The following BID variants were observed in gnomAD, a reference collection of about 807,000 sequenced individuals.
BID encodes the protein BH3-interacting domain death agonist.
A neutral mutation model predicts 17.4 loss-of-function variants in BID; 19 were observed. The observed-to-expected ratio is 1.09, with a 90% confidence interval of 0.76 to 1.60. BID has a LOEUF of 1.60. Among genes scored for constraint, BID ranks in the 40% most tolerant of loss-of-function variants. The probability of loss-of-function intolerance (pLI) is 0.00; values close to 1 mark genes in which losing one functional copy is unlikely to be tolerated. For synonymous variants in BID, 108 were observed against 102.8 expected (o/e 1.05, Z -0.31); for missense variants, 226 against 256.0 (o/e 0.88, Z 0.80).
chr22:17,760,409 G>A (rs1320915859), intron 1 of BID, among the ~76,000 whole-genome samples: 2 of 127,862 alleles, frequency 1.6e-5, no homozygotes, highest in Non-Finnish European at 3.1e-5. Context: ...GTGAGATCGC[G>A]CCACTGCACT....
Position 17,762,958 on chromosome 22 carries a change from C to G in BID, c.-59+11423G>C, listed in dbSNP as rs1416635539. ...ATGGCGTGATCTTGCCTCATTACAT[C>G]CTCCGCCTCCCAGGCTCAAGCGATT... On this transcript the variant is annotated intron_variant, in intron 1 of 5. Transcript: ENST00000622694. Among the ~76,000 whole-genome samples, 4 of 151,996 alleles carry G rather than the reference C, an allele frequency of 2.6e-5. No individual in the cohort carries two copies. In the East Asian group the frequency reaches 7.7e-4, roughly 29 times the overall value.
Position 17,773,716 on chromosome 22 carries a change from C to A in BID, c.-59+665G>T. The A allele has an allele frequency of 6.2e-7, 1 of 1,600,106 alleles. No homozygotes were observed. Among genetic ancestry groups the A allele is most frequent in the Non-Finnish European group, 8.5e-7 (1 of 1,177,596 alleles). Reference sequence around the variant, plus strand: ...CGTATTTGTTGAATGAATGAATGAACCCTTGCCAGCCCAGCCACTTGGTGG... The same window carrying A: ...CGTATTTGTTGAATGAATGAATGAAACCTTGCCAGCCCAGCCACTTGGTGG... On this transcript the variant is annotated intron_variant, in intron 1 of 5. Coordinates refer to ENST00000622694, the MANE Select transcript of BID (RefSeq NM_001196.4). This position sits in a 1 kb window ranked among gnomAD's most constrained non-coding sequence, Gnocchi z 4.4.
intron 4 of BID, among the ~76,000 whole-genome samples, chr22:17,738,432 ACG>A (rs8190336): frequency 4.5e-4 from 69 of 152,294 alleles, no homozygotes; most frequent in African/African-American, 1.4e-3. Context: ...CGGTAAGCAA[ACG>A]CATGTGTGGT....
chr22:17,773,769 C>A lies in BID; in HGVS notation c.-59+612G>T. ...GAGGGCTTCAGAGCTCTCCCAGGGT[C>A]CCCTGGGGTCATTCAGCCACTCAAC... On this transcript the variant is annotated intron_variant, in intron 1 of 5. Coordinates refer to ENST00000622694, the MANE Select transcript of BID (RefSeq NM_001196.4). This position sits in a 1 kb window ranked among gnomAD's most constrained non-coding sequence, Gnocchi z 4.4. 9 of 1,331,700 alleles carry A rather than the reference C, an allele frequency of 6.8e-6. No individual in the cohort carries two copies. The highest frequency in any genetic ancestry group is 1.2e-5 in the South Asian group (1 of 81,462). 82.5% of individuals were successfully genotyped at this position (1,331,700 alleles called of 1,614,324 possible).
At chr22:17,737,938 C>A (rs1464549658) in intron 5 of BID, 79 bp downstream of exon 5, 1 of 1,492,032 alleles carries the variant, frequency 6.7e-7, no homozygotes, top group Non-Finnish European at 9.3e-7. Context: ...GAGGCAGGGG[C>A]CCCGCTGGGC....
intron 1 of BID, among the ~76,000 whole-genome samples, chr22:17,758,011 T>C (rs541696285): frequency 6.6e-6 from 1 of 152,356 alleles, no homozygotes; most frequent in South Asian, 2.1e-4. Context: ...GCATAGACTC[T>C]AGTTACTGCA....
At chr22:17,770,226 C>T (rs115508223) in intron 1 of BID, among the ~76,000 whole-genome samples, 1,754 of 152,178 alleles carry the variant, frequency 0.012, 34 homozygotes, top group African/African-American at 0.039. Context: ...GAAGCCCTCA[C>T]GCACTCCCAG....
rs772513255 is a variant in BID at position 17,735,594 on chromosome 22, A to G, written c.577-3T>C. On this transcript the variant is annotated splice_region_variant and splice_polypyrimidine_tract_variant and intron_variant, in intron 5 of 5. Transcript: ENST00000622694. ...GAACTGTCCGTTCAGTCCATCCCCT[A>G]GAGCAAGAAAGGAGAAAAAGCCAGA... 1 of 1,614,204 alleles carries G rather than the reference A, an allele frequency of 6.2e-7. No individual in the cohort carries two copies. The highest frequency in any genetic ancestry group is 8.5e-7 in the Non-Finnish European group (1 of 1,180,042).
intron 1 of BID, chr22:17,774,087 G>C: frequency 1.0e-5 from 3 of 300,678 alleles, no homozygotes; most frequent in South Asian, 9.1e-5. Context: ...CCCAGGCCAC[G>C]TGGAGAGGAC....
intron 1 of BID, among the ~76,000 whole-genome samples, chr22:17,765,735 C>T (rs926110496): frequency 1.3e-5 from 2 of 152,014 alleles, no homozygotes; most frequent in Non-Finnish European, 2.9e-5. Context: ...TACCTAATGA[C>T]GAGTTAATGG....
chr22:17,736,088 A>G (rs2061417465), intron 5 of BID, among the ~76,000 whole-genome samples: 1 of 152,206 alleles, frequency 6.6e-6, no homozygotes, highest in Non-Finnish European at 1.5e-5. Flanking sequence ...ATGTTTTCTT[A>G]TGAGTTCTCA....
At chr22:17,772,431 C>G (rs746167286) in intron 1 of BID, among the ~76,000 whole-genome samples, 3 of 152,224 alleles carry the variant, frequency 2.0e-5, no homozygotes, top group African/African-American at 2.4e-5. Flanking sequence ...ATGTCAACGA[C>G]AGGAAGCATT....
intron 1 of BID, among the ~76,000 whole-genome samples, chr22:17,760,451 CAAAAAAAAA>C (rs55817445): frequency 9.8e-5 from 3 of 30,766 alleles, no homozygotes; most frequent in African/African-American, 1.6e-4. Context: ...GACTCTGTCT[CAAAAAAAAA>C]AAAAAAAAAA....
At chr22:17,739,711 C>T (rs934871920) in intron 3 of BID, 2 of 613,928 alleles carry the variant, frequency 3.3e-6, no homozygotes, top group Non-Finnish European at 2.8e-6. Flanking sequence ...GGCTGAGGCC[C>T]AGGCTCCCGC....
chr22:17,761,851 G>A (rs929759916), intron 1 of BID, among the ~76,000 whole-genome samples: 3 of 152,130 alleles, frequency 2.0e-5, no homozygotes, highest in Non-Finnish European at 4.4e-5. Flanking sequence ...TCAGACTCAG[G>A]TACCATGATG....
At chr22:17,766,043 C>T (rs929190559) in intron 1 of BID, among the ~76,000 whole-genome samples, 3 of 152,174 alleles carry the variant, frequency 2.0e-5, no homozygotes, top group Admixed American at 6.5e-5. Context: ...ATCCTCCCCC[C>T]TCAGCCTCCA....
chr22:17,756,432 C>CTTCT (rs1555906073), intron 1 of BID, among the ~76,000 whole-genome samples: 3,487 of 68,842 alleles, frequency 0.051, 80 homozygotes, highest in Non-Finnish European at 0.082. Flanking sequence ...TTCTTTCTTT[C>CTTCT]TTCTTTCTTT....
intron 1 of BID, among the ~76,000 whole-genome samples, chr22:17,766,042 C>T (rs115314135): frequency 6.6e-6 from 1 of 152,166 alleles, no homozygotes; most frequent in Admixed American, 6.5e-5. Flanking sequence ...GATCCTCCCC[C>T]CTCAGCCTCC....
chr22:17,735,868 C>T (rs1569035883), intron 5 of BID, among the ~76,000 whole-genome samples: 1 of 152,214 alleles, frequency 6.6e-6, no homozygotes, highest in Non-Finnish European at 1.5e-5. Context: ...CCTCAGCCCT[C>T]AGTCTCTGGT....
Sources: allele counts gnomAD v4.1 joint callset (sites outside exome capture counted in the v4.1 genomes callset), GRCh38; gene constraint gnomAD v4.1.1; non-coding constraint Gnocchi (gnomAD v3.1); transcripts MANE v1.5; gene names NCBI Gene and HGNC (gene_info 2026-07-23, HGNC 2026-07-21).